CDH13: variants seen among roughly 807,000 people sequenced by gnomAD.
The protein encoded by CDH13 is cadherin-13.
Under a neutral mutation model 63.8 loss-of-function variants are expected in CDH13, and 24 were observed. The ratio of observed to expected loss-of-function variants is 0.38; its 90% CI spans 0.27 to 0.53. The LOEUF (loss-of-function observed/expected upper bound fraction) is 0.53, where lower values mean the gene tolerates loss of function less well. Ranked by LOEUF, CDH13 falls within the 20% of genes least tolerant of loss-of-function variation. CDH13 has a pLI of 0.85. For synonymous variants in CDH13, 503 were observed against 355.3 expected (o/e 1.42, Z -4.67); for missense variants, 1,049 against 903.1 (o/e 1.16, Z -2.07).
chr16:83,216,429 T>TATATATATATATATAA lies in CDH13; in HGVS notation c.484-901_484-900insAATATATATATATATA, dbSNP rs1282063080. ...ATATATATATATATATATATATATA[T>TATATATATATATATAA]ATATATATATATATACACAACCCTA... On this transcript the variant is annotated intron_variant, in intron 4 of 13. Coordinates refer to ENST00000567109, the MANE Select transcript of CDH13 (RefSeq NM_001257.5). Among the ~76,000 whole-genome samples, 237 of 105,664 alleles carry TATATATATATATATAA rather than the reference T, an allele frequency of 2.2e-3. 23 individuals are homozygous for TATATATATATATATAA. Among genetic ancestry groups the TATATATATATATATAA allele is most frequent in the Non-Finnish European group, 3.8e-3 (185 of 49,230 alleles). The allele number at this position is 105,664 out of a possible 152,430, so 69.3% of individuals were successfully genotyped here.
intron 2 of CDH13, among the ~76,000 whole-genome samples, chr16:82,912,851 G>C (rs1276068739): frequency 6.6e-6 from 1 of 151,950 alleles, no homozygotes; most frequent in Non-Finnish European, 1.5e-5. Flanking sequence ...GCTGAGGCAG[G>C]AGAATGGCGT....
intron 1 of CDH13, among the ~76,000 whole-genome samples, chr16:82,851,340 C>G (rs1017753424): frequency 6.6e-6 from 1 of 150,810 alleles, no homozygotes; most frequent in African/African-American, 2.4e-5. Context: ...GAGACTGAGT[C>G]TGGAGAATTG....
intron 1 of CDH13, among the ~76,000 whole-genome samples, chr16:82,643,371 C>A (rs143083781): frequency 1.3e-5 from 2 of 152,124 alleles, no homozygotes; most frequent in Non-Finnish European, 2.9e-5. Flanking sequence ...ATTAACACTG[C>A]GACTCCTCAA....
At chr16:82,893,769 C>A (rs2041160000) in intron 2 of CDH13, among the ~76,000 whole-genome samples, 1 of 152,130 alleles carries the variant, frequency 6.6e-6, no homozygotes, top group South Asian at 2.1e-4. Context: ...GTCAGTAGAA[C>A]CTCCTCTGGA....
intron 7 of CDH13, among the ~76,000 whole-genome samples, chr16:83,489,790 G>C (rs117315906): frequency 0.014 from 2,180 of 152,308 alleles, 17 homozygotes; most frequent in Non-Finnish European, 0.023. Context: ...TTCTCAGCCA[G>C]ATGGGCAGAA....
At chr16:82,994,561 C>T (rs1461329171) in intron 2 of CDH13, among the ~76,000 whole-genome samples, 1 of 152,164 alleles carries the variant, frequency 6.6e-6, no homozygotes, top group Non-Finnish European at 1.5e-5. Context: ...CTCTGGAAGC[C>T]ATGTTTAGAA....
intron 5 of CDH13, among the ~76,000 whole-genome samples, chr16:83,265,825 C>T (rs945215588): frequency 1.4e-5 from 2 of 140,458 alleles, no homozygotes; most frequent in African/African-American, 2.7e-5. Flanking sequence ...CTGAGTGAAG[C>T]ACTAAAGGCT....
chr16:82,963,407 G>A (rs1162587792), intron 2 of CDH13, among the ~76,000 whole-genome samples: 1 of 152,072 alleles, frequency 6.6e-6, no homozygotes, highest in Admixed American at 6.6e-5. Flanking sequence ...TAACTGGAAA[G>A]AAAGTACCAG....
intron 6 of CDH13, among the ~76,000 whole-genome samples, chr16:83,460,160 G>T (rs1400914552): frequency 1.3e-5 from 2 of 152,156 alleles, no homozygotes; most frequent in Non-Finnish European, 1.5e-5. Context: ...ACACTCATTG[G>T]CCATTGCTAA....
intron 6 of CDH13, among the ~76,000 whole-genome samples, chr16:83,432,817 A>G (rs574107546): frequency 1.3e-5 from 2 of 152,216 alleles, no homozygotes; most frequent in East Asian, 3.9e-4. Context: ...ACAGGTTGCT[A>G]GGAATATTTT....
At position 83,391,723 on chromosome 16, in the gene CDH13, CACCCA is replaced by C. The variant is rs1293441032; in HGVS notation, c.781+46719_781+46723del. On this transcript the variant is annotated intron_variant, in intron 6 of 13. Coordinates refer to ENST00000567109, the MANE Select transcript of CDH13 (RefSeq NM_001257.5). ...CGAACACAGGTCTGTTTTGCATTGT[CACCCA>C]AGTGACATTCAGTATTGCCATTGGT... is the stretch of plus-strand genomic sequence containing the variant. Among the ~76,000 whole-genome samples, 302 of 152,314 alleles carry C rather than the reference CACCCA, an allele frequency of 2.0e-3. 1 individual carries two copies. The highest frequency in any genetic ancestry group is 6.8e-3 in the African/African-American group (284 of 41,558).
chr16:82,785,311 A>G (rs1029207241), intron 1 of CDH13, among the ~76,000 whole-genome samples: 2 of 152,144 alleles, frequency 1.3e-5, no homozygotes, highest in South Asian at 4.1e-4. Flanking sequence ...AAGAGAGACA[A>G]CTAAGCCATA....
intron 1 of CDH13, among the ~76,000 whole-genome samples, chr16:82,733,702 AG>A (rs1457822051): frequency 6.6e-6 from 1 of 152,222 alleles, no homozygotes; most frequent in Non-Finnish European, 1.5e-5. Flanking sequence ...GGGGTCTTTT[AG>A]TAAGGCTTAT....
chr16:82,860,643 TAA>T (rs71868410), intron 2 of CDH13, among the ~76,000 whole-genome samples: 81 of 149,774 alleles, frequency 5.4e-4, no homozygotes, highest in East Asian at 4.5e-3. Flanking sequence ...ATTACTAAGG[TAA>T]AAAAAAAAAA....
intron 1 of CDH13, among the ~76,000 whole-genome samples, chr16:82,837,284 G>A (rs1005222159): frequency 6.6e-5 from 10 of 152,128 alleles, no homozygotes; most frequent in African/African-American, 2.4e-4. Context: ...GGGAGAGCTT[G>A]CCTACCTCAG....
chr16:83,651,561 C>A (rs1316022266), intron 8 of CDH13, among the ~76,000 whole-genome samples: 1 of 144,732 alleles, frequency 6.9e-6, no homozygotes, highest in Non-Finnish European at 1.5e-5. Context: ...ACATGAATCA[C>A]TTTCCTCATT....
At chr16:82,869,725 G>A (rs1356676674) in intron 2 of CDH13, among the ~76,000 whole-genome samples, 1 of 152,100 alleles carries the variant, frequency 6.6e-6, no homozygotes, top group African/African-American at 2.4e-5. Context: ...AACATACCTT[G>A]GGGAAAGGAC....
chr16:82,686,139 A>T (rs765455282), intron 1 of CDH13, among the ~76,000 whole-genome samples: 4 of 152,230 alleles, frequency 2.6e-5, no homozygotes, highest in Non-Finnish European at 5.9e-5. Context: ...TAATTATCAA[A>T]ATACAGGGTT....
At chr16:83,399,191 C>A (rs993512458) in intron 6 of CDH13, among the ~76,000 whole-genome samples, 1 of 152,158 alleles carries the variant, frequency 6.6e-6, no homozygotes, top group South Asian at 2.1e-4. Context: ...CCTTTTTTGG[C>A]TATGAGAATT....
Sources: gnomAD v4.1 joint callset for allele counts (sites outside exome capture counted in the v4.1 genomes callset) on GRCh38, gnomAD v4.1.1 for gene constraint, MANE v1.5 for transcripts, NCBI Gene and HGNC (gene_info 2026-07-23, HGNC 2026-07-21) for gene names.